The following FBXL20 variants were observed in gnomAD, a reference collection of about 807,000 sequenced individuals.
FBXL20 encodes F-box and leucine rich repeat protein 20.
A neutral mutation model predicts 64.0 loss-of-function variants in FBXL20; 11 were observed. That is an observed-to-expected ratio of 0.17 (90% CI 0.11 to 0.28). The LOEUF (loss-of-function observed/expected upper bound fraction) is 0.28. Among genes scored for constraint, FBXL20 ranks in the 10% least tolerant of loss-of-function variants. FBXL20 has a pLI of 1.00. For missense variants in FBXL20, 303 were observed against 526.2 expected, an observed-to-expected ratio of 0.58 and a Z score of 4.15; for synonymous variants, 184 against 189.0, an observed-to-expected ratio of 0.97 and a Z score of 0.22.
chr17:39,261,037 T>G lies in FBXL20; in HGVS notation c.*423A>C, dbSNP rs1009402522. 5.6e-6 allele frequency: 1 copy of G among 177,818 alleles called. No individual in the cohort carries two copies. The highest frequency in any genetic ancestry group is 1.2e-5 in the Non-Finnish European group (1 of 82,494). The allele number at this position is 177,818 out of a possible 1,614,324, so 11.0% of individuals were successfully genotyped here. A position where few individuals can be genotyped will look rare whatever the true frequency, so the allele number is the denominator to read the frequency against. On this transcript the variant is annotated 3_prime_UTR_variant, in exon 15 of 15. Coordinates refer to ENST00000264658, the MANE Select transcript of FBXL20 (RefSeq NM_032875.3). ...CTTTCTGGTCCCTGGGTACATCATA[T>G]ATTGTCTTTCCATGCTTTTCTTGAC...
chr17:39,381,862 C>A (rs960049818), intron 1 of FBXL20, among the ~76,000 whole-genome samples: 1 of 150,626 alleles, frequency 6.6e-6, no homozygotes, highest in East Asian at 2.0e-4. Flanking sequence ...TTCGGGAAGC[C>A]GAGGGGGGCG....
Position 39,281,371 on chromosome 17 carries a change from G to T in FBXL20, c.696+18C>A, listed in dbSNP as rs745497018. On this transcript the variant is annotated intron_variant, in intron 9 of 14. Coordinates refer to ENST00000264658, the MANE Select transcript of FBXL20 (RefSeq NM_032875.3). ...AATGAATTACTAAAACAGAAGAGTTGTGAGAAGGGATGTTTACCAAGCAAG... is the reference window on the plus strand; with the variant it reads ...AATGAATTACTAAAACAGAAGAGTTTTGAGAAGGGATGTTTACCAAGCAAG... The T allele has an allele frequency of 3.1e-6, 5 of 1,610,948 alleles. No individual in the cohort carries two copies. The African/African-American group carries it at 4.0e-5, about 13-fold the overall frequency.
chr17:39,343,299 A>C, intron 1 of FBXL20, 58 bp from the exon 2 acceptor site: 2 of 1,259,516 alleles, frequency 1.6e-6, no homozygotes, highest in Non-Finnish European at 2.2e-6. Flanking sequence ...CAGAATGTTC[A>C]ACTCAATAGT....
intron 2 of FBXL20, among the ~76,000 whole-genome samples, chr17:39,311,391 C>T (rs1300351876): frequency 6.6e-6 from 1 of 151,944 alleles, no homozygotes; most frequent in Non-Finnish European, 1.5e-5. Flanking sequence ...CTCTTTGTTT[C>T]CAAGTCTTAC....
rs748585312 is a variant in FBXL20, at chr17:39,261,066, G to A, written c.*394C>T. 31 of 186,170 alleles carry A rather than the reference G, an allele frequency of 1.7e-4. No homozygotes were observed. The highest frequency in any genetic ancestry group is 3.2e-4 in the Non-Finnish European group (28 of 87,684). The allele number at this position is 186,170 out of a possible 1,614,324, so 11.5% of individuals were successfully genotyped here. A position where few individuals can be genotyped will look rare whatever the true frequency, so the allele number is the denominator to read the frequency against. On this transcript the variant is annotated 3_prime_UTR_variant, in exon 15 of 15. Transcript: ENST00000264658. ...GTCTTTCCATGCTTTTCTTGACCCCGGAGGACAGCAGATGCTGTTCTAAAA... is the reference window on the plus strand; with the variant it reads ...GTCTTTCCATGCTTTTCTTGACCCCAGAGGACAGCAGATGCTGTTCTAAAA...
chr17:39,370,037 T>C (rs966921430), intron 1 of FBXL20, among the ~76,000 whole-genome samples: 1 of 151,926 alleles, frequency 6.6e-6, no homozygotes, highest in Admixed American at 6.6e-5. Flanking sequence ...GAGTTGAGCC[T>C]GGGAGTGAGG....
chr17:39,347,154 T>A (rs1438329446), intron 1 of FBXL20, among the ~76,000 whole-genome samples: 1 of 152,204 alleles, frequency 6.6e-6, no homozygotes, highest in East Asian at 1.9e-4. Flanking sequence ...TAAACATACA[T>A]GTGCATGTGT....
chr17:39,318,921 A>T (rs1336102181), intron 2 of FBXL20, among the ~76,000 whole-genome samples: 1 of 152,098 alleles, frequency 6.6e-6, no homozygotes, highest in Non-Finnish European at 1.5e-5. Flanking sequence ...TTTCCAACTT[A>T]ACAATCAGCA....
rs367954188 is a variant in FBXL20, at chr17:39,326,780, C to T, written c.104+16400G>A. Among the ~76,000 whole-genome samples the T allele has an allele frequency of 2.8e-3, 424 of 151,776 alleles. 2 individuals are homozygous for T. Among genetic ancestry groups the T allele is most frequent in the African/African-American group, 9.7e-3 (403 of 41,398 alleles). On this transcript the variant is annotated intron_variant, in intron 2 of 14. Coordinates refer to ENST00000264658, the MANE Select transcript of FBXL20 (RefSeq NM_032875.3). ...GACTACAGGTGCACGCCACCACACC[C>T]GGCTAACATATATACACACACGCTT... is the stretch of plus-strand genomic sequence containing the variant.
intron 1 of FBXL20, among the ~76,000 whole-genome samples, chr17:39,378,907 G>A (rs933156327): frequency 4.0e-5 from 6 of 148,294 alleles, no homozygotes; most frequent in South Asian, 4.6e-4. Context: ...CACCGCGCCC[G>A]GCCATAGGAT....
chr17:39,388,723 C>T (rs1476565253), intron 1 of FBXL20, among the ~76,000 whole-genome samples: 2 of 150,870 alleles, frequency 1.3e-5, no homozygotes, highest in African/African-American at 4.8e-5. Context: ...ACCTCGCGAT[C>T]CACCCACCTT....
chr17:39,331,492 C>T (rs1053770312), intron 2 of FBXL20, among the ~76,000 whole-genome samples: 13 of 152,158 alleles, frequency 8.5e-5, no homozygotes, highest in Non-Finnish European at 1.5e-4. Flanking sequence ...CTGAACTCTC[C>T]ATGCTAGGTT....
intron 12 of FBXL20, among the ~76,000 whole-genome samples, chr17:39,268,171 G>A (rs2144348367): frequency 6.6e-6 from 1 of 152,190 alleles, no homozygotes; most frequent in East Asian, 1.9e-4. Context: ...GGCCAACACA[G>A]TGAAATCCCA....
chr17:39,307,271 A>C (rs1430872302), intron 2 of FBXL20, among the ~76,000 whole-genome samples: 1 of 148,780 alleles, frequency 6.7e-6, no homozygotes, highest in African/African-American at 2.6e-5. Context: ...ATATATGAGA[A>C]AATTTCAATT....
chr17:39,314,515 T>C (rs2047266004), intron 2 of FBXL20, among the ~76,000 whole-genome samples: 2 of 151,726 alleles, frequency 1.3e-5, no homozygotes, highest in South Asian at 4.2e-4. Context: ...CATCCAGCCT[T>C]GTGCCTGTAC....
chr17:39,330,583 C>T (rs1321501542), intron 2 of FBXL20, among the ~76,000 whole-genome samples: 3 of 152,166 alleles, frequency 2.0e-5, no homozygotes, highest in South Asian at 4.2e-4. Context: ...CACTAACACT[C>T]CAGTCTGGGT....
At chr17:39,301,178 T>A (rs1416897417) in intron 3 of FBXL20, 103 bp from the exon 4 acceptor site, 1 of 1,007,176 alleles carries the variant, frequency 9.9e-7, no homozygotes, top group Non-Finnish European at 1.5e-6. Flanking sequence ...CTAAAATGGA[T>A]CCAAAAATTT....
intron 2 of FBXL20, among the ~76,000 whole-genome samples, chr17:39,335,683 C>T (rs533131229): frequency 1.3e-5 from 2 of 151,944 alleles, no homozygotes; most frequent in South Asian, 4.2e-4. Context: ...ATAGATGTTC[C>T]TTTTTCAAGT....
intron 2 of FBXL20, among the ~76,000 whole-genome samples, chr17:39,337,853 G>A (rs1307005393): frequency 7.3e-5 from 11 of 150,500 alleles, no homozygotes; most frequent in South Asian, 2.1e-4. Context: ...CAGCCGCCCC[G>A]TCCAGGAGGG....
Sources: gnomAD v4.1 joint callset for allele counts (sites outside exome capture counted in the v4.1 genomes callset) on GRCh38, gnomAD v4.1.1 for gene constraint, MANE v1.5 for transcripts, NCBI Gene and HGNC (gene_info 2026-07-23, HGNC 2026-07-21) for gene names.